The following EFNA5 variants were observed in gnomAD, a reference collection of about 807,000 sequenced individuals.
EFNA5 encodes ephrin A5.
EFNA5 carries 5 observed loss-of-function variants against 22.9 expected under a neutral mutation model. The observed-to-expected ratio is 0.22, with a 90% CI of 0.11 to 0.46. The LOEUF is 0.46. EFNA5 is among the 20% of genes least tolerant of loss of function. The pLI, the probability that EFNA5 is intolerant of heterozygous loss-of-function variation, is 0.99. For synonymous variants in EFNA5, 113 were observed against 112.2 expected (o/e 1.01, Z -0.04); for missense variants, 237 against 293.3 (o/e 0.81, Z 1.40).
intron 1 of EFNA5, among the ~76,000 whole-genome samples, chr5:107,624,277 C>A (rs1750100091): frequency 6.6e-6 from 1 of 152,088 alleles, no homozygotes; most frequent in African/African-American, 2.4e-5. Context: ...TAAGAAACAT[C>A]CTTCACACAT....
chr5:107,669,315 C>T lies in EFNA5; in HGVS notation c.125+1174G>A, dbSNP rs7712599. 8.5e-3 allele frequency among the ~76,000 whole-genome samples: 1,296 copies of T among 151,996 alleles called. 29 individuals carry two copies. The highest frequency in any genetic ancestry group is 0.029 in the African/African-American group (1,191 of 41,444). On this transcript the variant is annotated intron_variant, in intron 1 of 4. Coordinates refer to ENST00000333274, the MANE Select transcript of EFNA5 (RefSeq NM_001962.3). The stretch of plus-strand genomic sequence containing the variant: ...CTCTCTTCCCAACTTCCACTCCAGC[C>T]CAGTGAAAAACCTGTGACTTTAGAT...
chr5:107,389,570 C>T (rs111232316), intron 2 of EFNA5, among the ~76,000 whole-genome samples: 66 of 152,328 alleles, frequency 4.3e-4, no homozygotes, highest in African/African-American at 1.6e-3. Flanking sequence ...GCTAGATAAA[C>T]AGGCTGAAGA....
intron 1 of EFNA5, among the ~76,000 whole-genome samples, chr5:107,586,785 T>C (rs1319788222): frequency 2.0e-5 from 3 of 152,154 alleles, no homozygotes; most frequent in Non-Finnish European, 4.4e-5. Flanking sequence ...TCAAAATGGG[T>C]TATTTTAAGG....
chr5:107,490,637 A>G (rs1203340817), intron 1 of EFNA5, among the ~76,000 whole-genome samples: 1 of 152,190 alleles, frequency 6.6e-6, no homozygotes, highest in Non-Finnish European at 1.5e-5. Flanking sequence ...AGTTTATCCA[A>G]CATGAGAGTT....
At chr5:107,399,810 T>C (rs1424852324) in intron 2 of EFNA5, among the ~76,000 whole-genome samples, 1 of 152,200 alleles carries the variant, frequency 6.6e-6, no homozygotes, top group African/African-American at 2.4e-5. Flanking sequence ...AGAACGAGTA[T>C]TTCTTGTGTA....
At chr5:107,393,504 C>T (rs1747837829) in intron 2 of EFNA5, among the ~76,000 whole-genome samples, 1 of 152,180 alleles carries the variant, frequency 6.6e-6, no homozygotes, top group Admixed American at 6.5e-5. Flanking sequence ...TTCTGTGTCC[C>T]ATGTCAATCT....
At chr5:107,491,123 C>T (rs1249323149) in intron 1 of EFNA5, among the ~76,000 whole-genome samples, 1 of 152,164 alleles carries the variant, frequency 6.6e-6, no homozygotes, top group Non-Finnish European at 1.5e-5. Context: ...TGTTCAGAGA[C>T]TCTTGGCTTT....
Position 107,641,442 on chromosome 5 carries a change from A to C in EFNA5, c.125+29047T>G, listed in dbSNP as rs146726825. 6.7e-3 allele frequency among the ~76,000 whole-genome samples: 1,020 copies of C among 152,216 alleles called. 10 individuals are homozygous for C. Among genetic ancestry groups the C allele is most frequent in the Non-Finnish European group, 8.4e-3 (570 of 68,008 alleles). ...TGTCGGAGAAAATGAGTAATCATCA[A>C]TTTCCAGTGCTTATAATTTTCTGAT... On this transcript the variant is annotated intron_variant, in intron 1 of 4. Transcript: ENST00000333274.
chr5:107,590,389 G>A (rs1749293065), intron 1 of EFNA5, among the ~76,000 whole-genome samples: 1 of 149,756 alleles, frequency 6.7e-6, no homozygotes, highest in Admixed American at 6.8e-5. Flanking sequence ...TCTAGATATA[G>A]ACATAATTTT....
intron 1 of EFNA5, among the ~76,000 whole-genome samples, chr5:107,634,336 G>T (rs1750328866): frequency 1.3e-5 from 2 of 152,302 alleles, no homozygotes; most frequent in South Asian, 4.1e-4. Context: ...GTGCAACCTA[G>T]AGAGACCTTG....
chr5:107,454,387 A>T (rs1749639148), intron 1 of EFNA5, among the ~76,000 whole-genome samples: 1 of 152,186 alleles, frequency 6.6e-6, no homozygotes, highest in African/African-American at 2.4e-5. Flanking sequence ...AAGATTAAGA[A>T]TATATATTTA....
chr5:107,662,218 C>T (rs568201209), intron 1 of EFNA5, among the ~76,000 whole-genome samples: 13 of 152,238 alleles, frequency 8.5e-5, no homozygotes, highest in Middle Eastern at 3.4e-3. Flanking sequence ...ACTTTAACCG[C>T]GATACATGTA....
intron 1 of EFNA5, among the ~76,000 whole-genome samples, chr5:107,626,648 C>T (rs164840): frequency 1.3e-5 from 2 of 151,946 alleles, no homozygotes; most frequent in African/African-American, 2.4e-5. Context: ...TTGGACCTAG[C>T]GCCCATGCTG....
chr5:107,472,808 A>G (rs1198378971), intron 1 of EFNA5, among the ~76,000 whole-genome samples: 1 of 152,220 alleles, frequency 6.6e-6, no homozygotes, highest in Non-Finnish European at 1.5e-5. Context: ...AGAATGACAA[A>G]CAGATAGAGA....
intron 2 of EFNA5, among the ~76,000 whole-genome samples, chr5:107,419,303 G>C (rs1158352616): frequency 6.6e-6 from 1 of 152,080 alleles, no homozygotes; most frequent in Non-Finnish European, 1.5e-5. Flanking sequence ...AAAATGACTA[G>C]GGACAACTTG....
At chr5:107,646,191 T>A (rs1338704121) in intron 1 of EFNA5, among the ~76,000 whole-genome samples, 2 of 152,190 alleles carry the variant, frequency 1.3e-5, no homozygotes, top group East Asian at 3.8e-4. Context: ...ATGTACAGCA[T>A]GATGACTATA....
rs190458263 is a variant in EFNA5, at chr5:107,418,648, C to T, written c.418+8569G>A. 2.4e-4 allele frequency among the ~76,000 whole-genome samples: 37 copies of T among 152,270 alleles called. No homozygotes were observed. In the East Asian group the frequency reaches 5.2e-3, roughly 21 times the overall value. Reference sequence around the variant, plus strand: ...AAAATTATTTTGGTTTTGAACTTCTCGTCTGAGTGTCACAGCCTTTGAAAA... The same window carrying T: ...AAAATTATTTTGGTTTTGAACTTCTTGTCTGAGTGTCACAGCCTTTGAAAA... On this transcript the variant is annotated intron_variant, in intron 2 of 4. Coordinates refer to ENST00000333274, the MANE Select transcript of EFNA5 (RefSeq NM_001962.3).
rs138291625 is a variant in EFNA5 at position 107,509,273 on chromosome 5, C to G, written c.126-81764G>C. On this transcript the variant is annotated intron_variant, in intron 1 of 4. Transcript: ENST00000333274. ...TATTTGTTCTTTTCATCTGAAAGAA[C>G]CAACACAAAAGAGCAAAAGTGAGTG... Among the ~76,000 whole-genome samples the G allele has an allele frequency of 2.0e-3, 300 of 151,996 alleles. 1 individual carries two copies. The highest frequency in any genetic ancestry group is 0.01 in the Middle Eastern group (3 of 290).
Position 107,541,438 on chromosome 5 carries a change from T to C in EFNA5, c.126-113929A>G, listed in dbSNP as rs74610702. 6.9e-3 allele frequency among the ~76,000 whole-genome samples: 1,057 copies of C among 152,318 alleles called. 15 individuals are homozygous for C. Among genetic ancestry groups the C allele is most frequent in the African/African-American group, 0.024 (1,003 of 41,568 alleles). Reference sequence around the variant, plus strand: ...GAAAAATGTAATCGAAGCCTAACTCTAGCAATAGCAATAAAAATCACCACA... The same window carrying C: ...GAAAAATGTAATCGAAGCCTAACTCCAGCAATAGCAATAAAAATCACCACA... On this transcript the variant is annotated intron_variant, in intron 1 of 4. Coordinates refer to ENST00000333274, the MANE Select transcript of EFNA5 (RefSeq NM_001962.3).
Sources: allele counts gnomAD v4.1 joint callset (sites outside exome capture counted in the v4.1 genomes callset), GRCh38; gene constraint gnomAD v4.1.1; transcripts MANE v1.5; gene names NCBI Gene and HGNC (gene_info 2026-07-23, HGNC 2026-07-21).